Variants in IL3RA observed in about 807,000 individuals in gnomAD.
IL3RA encodes interleukin-3 receptor subunit alpha.
In IL3RA, 73 loss-of-function variants were observed where a neutral mutation model predicts 52.3. The observed-to-expected ratio is 1.40, with a 90% CI of 1.16 to 1.70. The LOEUF is 1.70. Among genes scored for constraint, IL3RA ranks in the 40% most tolerant of loss-of-function variants. IL3RA has a pLI of 0.00. For missense variants in IL3RA, 664 were observed against 504.4 expected, an observed-to-expected ratio of 1.32 and a Z score of -3.03; for synonymous variants, 260 against 194.0, an observed-to-expected ratio of 1.34 and a Z score of -2.83.
intron 3 of IL3RA, among the ~76,000 whole-genome samples, chrX:1,347,248 C>A (rs17880267): frequency 0.23 from 34,681 of 149,826 alleles, 4,511 homozygotes; most frequent in Middle Eastern, 0.41. Flanking sequence ...GATCGAGACC[C>A]TCCTGGCTAA....
rs573840129 is a variant in IL3RA at position 1,378,697 on chromosome X, C to T, written c.913C>T (p.Arg305Trp). Residue 305 changes from arginine to tryptophan, a missense_variant, in exon 10 of 12, where the codon CGG (arginine) becomes TGG (tryptophan). Physicochemically the swap from Arg to Trp is moderately radical, Grantham distance 101 (BLOSUM62 -3). Transcript: ENST00000331035. ...QEEGANTRAW[R>W]TSLLIALGTL... Reference sequence around the variant, plus strand: ...GGAGGGCGCAAACACACGTGCCTGGCGGACGTCGCTGCTGATCGCGCTGGG... The same window carrying T: ...GGAGGGCGCAAACACACGTGCCTGGTGGACGTCGCTGCTGATCGCGCTGGG... 25 of 1,612,696 alleles carry T rather than the reference C, an allele frequency of 1.6e-5. 1 individual carries two copies. The highest frequency in any genetic ancestry group is 7.7e-5 in the South Asian group (7 of 91,024).
At chrX:1,355,440 G>A (rs756758553) in intron 6 of IL3RA, among the ~76,000 whole-genome samples, 85 of 108,502 alleles carry the variant, frequency 7.8e-4, no homozygotes, top group Admixed American at 2.3e-3. Context: ...GGAGGGGAGG[G>A]GAGAAAGACC....
In IL3RA at chrX:1,345,428, T is replaced by TA; in HGVS notation, c.178dup (p.Met60AsnfsTer7). 1 of 1,579,464 alleles carries TA rather than the reference T, an allele frequency of 6.3e-7. No individual in the cohort carries two copies. Among genetic ancestry groups the TA allele is most frequent in the East Asian group, 2.3e-5 (1 of 44,424 alleles). Reference sequence around the variant, plus strand: ...AGTGTGTTAAAGACGCCGACTATTCTATGCCGGTAAATCATACTCTCTATT... The same window carrying TA: ...AGTGTGTTAAAGACGCCGACTATTCTAATGCCGGTAAATCATACTCTCTATT... On this transcript the variant is annotated frameshift_variant, in exon 3 of 12. Coordinates refer to ENST00000331035, the MANE Select transcript of IL3RA (RefSeq NM_002183.4). LOFTEE classifies it high-confidence loss of function.
At chrX:1,368,150 T>G (rs2088313436) in intron 9 of IL3RA, among the ~76,000 whole-genome samples, 2 of 152,044 alleles carry the variant, frequency 1.3e-5, no homozygotes, top group African/African-American at 4.8e-5. Context: ...TCCCAGCTAC[T>G]CGGGAGGCTG....
At chrX:1,347,337 G>A (rs1325119301) in intron 3 of IL3RA, among the ~76,000 whole-genome samples, 1 of 151,074 alleles carries the variant, frequency 6.6e-6, no homozygotes, top group East Asian at 1.9e-4. Context: ...CCAGCTACTC[G>A]GGAGGCTGAG....
At position 1,341,764 on chromosome X, in the gene IL3RA, C is replaced by T. The variant is rs17881917; in HGVS notation, c.-2C>T. ...GTCCTGCGTTCCGGAGCTGCGTTCCCGATGGTCCTCCTTTGGCTCACGCTG... is the reference window on the plus strand; with the variant it reads ...GTCCTGCGTTCCGGAGCTGCGTTCCTGATGGTCCTCCTTTGGCTCACGCTG... On this transcript the variant is annotated 5_prime_UTR_variant, in exon 2 of 12. Transcript: ENST00000331035. 5,994 of 1,613,890 alleles carry T rather than the reference C, an allele frequency of 3.7e-3. 15 individuals carry two copies. The highest frequency in any genetic ancestry group is 4.0e-3 in the Non-Finnish European group (4,672 of 1,179,844).
At chrX:1,343,985 G>A (rs1213312436) in intron 2 of IL3RA, among the ~76,000 whole-genome samples, 3 of 151,644 alleles carry the variant, frequency 2.0e-5, no homozygotes, top group Admixed American at 1.3e-4. Context: ...TAGTCGCGAC[G>A]GGGTTTCACC....
At chrX:1,339,217 C>T (rs1201222547) in intron 1 of IL3RA, among the ~76,000 whole-genome samples, 1 of 152,132 alleles carries the variant, frequency 6.6e-6, no homozygotes, top group Non-Finnish European at 1.5e-5. Context: ...TGGACCACAG[C>T]CCCTACAGGC....
chrX:1,357,227 T>G (rs2086802164), intron 7 of IL3RA, among the ~76,000 whole-genome samples: 2 of 152,158 alleles, frequency 1.3e-5, no homozygotes, highest in African/African-American at 4.8e-5. Context: ...GTGCTGGGAT[T>G]ACAGGTGTGA....
At position 1,365,138 on chromosome X, in the gene IL3RA, G is replaced by C; in HGVS notation, c.760G>C (p.Val254Leu). ...TTCTTTATTTTCTTTCAAACCACAG[G>C]TCAGAGACAGAACCTCCTTCCAGCT... ...KRMQPVITEQ[V>L]RDRTSFQLLN... is the part of the protein sequence containing the mutation. The change falls in exon 9 of 12, where the codon GTC becomes CTC. Residue 254 changes from valine (V) to leucine (L), a missense_variant and splice_region_variant. Coordinates refer to ENST00000331035, the MANE Select transcript of IL3RA (RefSeq NM_002183.4). 1 of 1,606,070 alleles carries C rather than the reference G, an allele frequency of 6.2e-7. No individual in the cohort carries two copies. Among genetic ancestry groups the C allele is most frequent in the Non-Finnish European group, 8.5e-7 (1 of 1,174,624 alleles).
chrX:1,353,975 C>T (rs2086395459), intron 6 of IL3RA, among the ~76,000 whole-genome samples: 1 of 64,102 alleles, frequency 1.6e-5, no homozygotes, highest in Non-Finnish European at 3.3e-5. Flanking sequence ...GTGGGACCCC[C>T]ACCCCCATCA....
intron 8 of IL3RA, among the ~76,000 whole-genome samples, chrX:1,362,957 G>A (rs1239182188): frequency 6.6e-6 from 1 of 151,894 alleles, no homozygotes; most frequent in Non-Finnish European, 1.5e-5. Context: ...TGTATTATTA[G>A]TAAAGATGGG....
intron 10 of IL3RA, 70 bp from the exon 11 acceptor site, chrX:1,380,953 C>T (rs1249280352): frequency 7.7e-6 from 10 of 1,296,060 alleles, no homozygotes; most frequent in African/African-American, 4.4e-5. Context: ...CTGTCCTGGA[C>T]ACGCTGTGTC....
At chrX:1,353,971 C>A (rs1208629175) in intron 6 of IL3RA, among the ~76,000 whole-genome samples, 1 of 45,762 alleles carries the variant, frequency 2.2e-5, no homozygotes, top group Non-Finnish European at 4.1e-5. Flanking sequence ...GGTCGTGGGA[C>A]CCCCACCCCC....
chrX:1,357,713 T>A (rs1484506566), intron 7 of IL3RA, among the ~76,000 whole-genome samples: 1 of 152,098 alleles, frequency 6.6e-6, no homozygotes, highest in Non-Finnish European at 1.5e-5. Flanking sequence ...GCAATTTTTC[T>A]GTAAGTCTAA....
chrX:1,379,031 C>T (rs1482616600), intron 10 of IL3RA, among the ~76,000 whole-genome samples: 9 of 151,894 alleles, frequency 5.9e-5, no homozygotes, highest in Admixed American at 3.9e-4. Flanking sequence ...TTAGTAGAGA[C>T]GGGGTTTTGC....
intron 8 of IL3RA, among the ~76,000 whole-genome samples, chrX:1,361,232 C>T (rs771773354): frequency 1.3e-5 from 2 of 150,876 alleles, no homozygotes; most frequent in Admixed American, 6.6e-5. Context: ...TTTCTCTCTC[C>T]CATTATTTCT....
In IL3RA at chrX:1,356,242, T is replaced by C. The variant is rs764556031; in HGVS notation, c.638T>C (p.Met213Thr). Residue 213 changes from methionine to threonine, a missense_variant, in exon 7 of 12, where the codon ATG becomes ACG. Physicochemically the swap from Met to Thr is moderately conservative, Grantham distance 81. Coordinates refer to ENST00000331035, the MANE Select transcript of IL3RA (RefSeq NM_002183.4). ...CTAGAGATATTAACTCCACCCAACA[T>C]GACTGCAAAGTGTAATAAGACACAT... ...SQIEILTPPNMTAKCNKTHSF... is the reference protein window; with the variant it reads ...SQIEILTPPNTTAKCNKTHSF... The C allele has an allele frequency of 6.2e-7, 1 of 1,612,308 alleles. No individual in the cohort carries two copies. The highest frequency in any genetic ancestry group is 1.1e-5 in the South Asian group (1 of 90,986).
chrX:1,365,112 CTTCT>C, intron 8 of IL3RA, 22 bp from the exon 9 acceptor site: 1 of 1,567,462 alleles, frequency 6.4e-7, no homozygotes, highest in Non-Finnish European at 8.8e-7. Context: ...CCTGGCCCCT[CTTCT>C]TTATTTTCTT....
Sources: allele counts gnomAD v4.1 joint callset (sites outside exome capture counted in the v4.1 genomes callset), GRCh38; gene constraint gnomAD v4.1.1; transcripts MANE v1.5; gene names NCBI Gene and HGNC (gene_info 2026-07-23, HGNC 2026-07-21).